The following NCKAP5 variants were observed in gnomAD, a reference collection of about 807,000 sequenced individuals.
NCKAP5 encodes NCK associated protein 5, also known as nck-associated protein 5.
In NCKAP5, 92 loss-of-function variants were observed where a neutral mutation model predicts 167.0. The ratio of observed to expected loss-of-function variants is 0.55; its 90% confidence interval spans 0.47 to 0.66. The LOEUF (loss-of-function observed/expected upper bound fraction) is 0.66. Among genes scored for constraint, NCKAP5 ranks in the 30% least tolerant of loss-of-function variants. The pLI is 0.00. For missense variants in NCKAP5, 2,378 were observed against 2,315.0 expected, an observed-to-expected ratio of 1.03 and a Z score of -0.56; for synonymous variants, 891 against 877.4, an observed-to-expected ratio of 1.02 and a Z score of -0.27.
chr2:133,560,431 G>A (rs1028971554), intron 1 of NCKAP5, among the ~76,000 whole-genome samples: 6 of 152,080 alleles, frequency 3.9e-5, no homozygotes, highest in South Asian at 2.1e-4. Flanking sequence ...TTAATTATAC[G>A]GGTGATAAGT....
intron 6 of NCKAP5, among the ~76,000 whole-genome samples, chr2:133,115,806 T>TATAC: frequency 9.2e-6 from 1 of 108,354 alleles, no homozygotes; most frequent in South Asian, 2.8e-4. Context: ...TATATATATA[T>TATAC]ATATATATAT....
chr2:133,083,602 C>A (rs1010390878), intron 6 of NCKAP5, among the ~76,000 whole-genome samples: 1 of 152,134 alleles, frequency 6.6e-6, no homozygotes, highest in African/African-American at 2.4e-5. Context: ...ACGTATCTTA[C>A]CAGACAGGAA....
intron 6 of NCKAP5, among the ~76,000 whole-genome samples, chr2:132,996,052 T>G (rs2077590273): frequency 6.6e-6 from 1 of 152,110 alleles, no homozygotes; most frequent in African/African-American, 2.4e-5. Flanking sequence ...CTACGCAGGG[T>G]CAGGATCATC....
At chr2:133,295,103 G>T (rs1574627935) in intron 4 of NCKAP5, among the ~76,000 whole-genome samples, 1 of 152,104 alleles carries the variant, frequency 6.6e-6, no homozygotes, top group African/African-American at 2.4e-5. Flanking sequence ...TGGGATTGAG[G>T]TTCCTACAGG....
intron 19 of NCKAP5, among the ~76,000 whole-genome samples, chr2:132,718,423 A>G (rs930873238): frequency 1.3e-5 from 2 of 152,212 alleles, no homozygotes. Flanking sequence ...GTTCTCTGTG[A>G]CAGTAATTCC....
the NCKAP5 span, among the ~76,000 whole-genome samples, chr2:133,640,315 A>G: frequency 2.0e-5 from 3 of 152,352 alleles, no homozygotes; most frequent in Admixed American, 6.5e-5. Flanking sequence ...GCACAAGTCA[A>G]TCTTGTTAAA....
rs954143751 is a variant in NCKAP5 at position 133,159,235 on chromosome 2, G to T, written c.208-29124C>A. Among the ~76,000 whole-genome samples, 9 of 152,254 alleles carry T rather than the reference G, an allele frequency of 5.9e-5. No homozygotes were observed. In the South Asian group the frequency reaches 1.9e-3, roughly 32 times the overall value. ...AAGGACTGAAGAGAGGCCTTTAGGA[G>T]CTGAGGTTGGTCCCCGGTTAAAACA... On this transcript the variant is annotated intron_variant, in intron 5 of 19. Coordinates refer to ENST00000409261, the MANE Select transcript of NCKAP5 (RefSeq NM_207363.3).
the NCKAP5 span, among the ~76,000 whole-genome samples, chr2:133,596,602 G>A: frequency 3.3e-5 from 5 of 152,138 alleles, no homozygotes; most frequent in African/African-American, 4.8e-5. Context: ...CCCCGAGGTC[G>A]CCAGCATGAA....
the NCKAP5 span, among the ~76,000 whole-genome samples, chr2:133,661,393 T>C: frequency 6.6e-6 from 1 of 152,196 alleles, no homozygotes; most frequent in Non-Finnish European, 1.5e-5. Context: ...GAAATGCTTT[T>C]TAAAAAATTA....
chr2:133,061,888 C>T (rs181458218), intron 6 of NCKAP5, among the ~76,000 whole-genome samples: 1 of 152,262 alleles, frequency 6.6e-6, no homozygotes, highest in East Asian at 1.9e-4. Flanking sequence ...CACCTTTCTC[C>T]ACTCCCCAAC....
At chr2:133,149,574 T>C (rs1285237307) in intron 5 of NCKAP5, among the ~76,000 whole-genome samples, 1 of 152,000 alleles carries the variant, frequency 6.6e-6, no homozygotes, top group Non-Finnish European at 1.5e-5. Context: ...AACTCTTAAC[T>C]ACAACGATGC....
intron 3 of NCKAP5, among the ~76,000 whole-genome samples, chr2:133,508,639 G>A (rs751385579): frequency 8.5e-5 from 13 of 152,182 alleles, no homozygotes; most frequent in Non-Finnish European, 1.5e-4. Context: ...TAAGGGGATC[G>A]ATGAAAGCTC....
chr2:132,948,617 G>A (rs1439116958), intron 8 of NCKAP5, among the ~76,000 whole-genome samples: 3 of 152,142 alleles, frequency 2.0e-5, no homozygotes, highest in East Asian at 1.9e-4. Flanking sequence ...CCCCAAAGGA[G>A]AGGCTGTATG....
At chr2:132,752,829 C>T (rs1208469020) in intron 16 of NCKAP5, among the ~76,000 whole-genome samples, 1 of 152,108 alleles carries the variant, frequency 6.6e-6, no homozygotes, top group Admixed American at 6.5e-5. Flanking sequence ...TATTCTAGTG[C>T]AAAGGCCCAG....
chr2:133,511,458 G>A (rs1055255763), intron 3 of NCKAP5, among the ~76,000 whole-genome samples: 34 of 152,180 alleles, frequency 2.2e-4, no homozygotes, highest in African/African-American at 7.7e-4. Context: ...CTCGGCTGGT[G>A]GACAGATTCA....
chr2:133,444,350 A>C (rs1691047165), intron 3 of NCKAP5, among the ~76,000 whole-genome samples: 2 of 143,930 alleles, frequency 1.4e-5, no homozygotes, highest in Admixed American at 1.4e-4. Flanking sequence ...AAAGACAAAA[A>C]CAAAGATAGA....
chr2:133,209,740 T>C (rs747184036), intron 5 of NCKAP5, among the ~76,000 whole-genome samples: 2 of 152,156 alleles, frequency 1.3e-5, no homozygotes, highest in Non-Finnish European at 2.9e-5. Context: ...CCAATGTTAA[T>C]CTCTTAGTTT....
intron 19 of NCKAP5, among the ~76,000 whole-genome samples, chr2:132,709,932 T>C (rs1169008453): frequency 6.6e-6 from 1 of 152,114 alleles, no homozygotes; most frequent in Non-Finnish European, 1.5e-5. Flanking sequence ...AAATGGTTAA[T>C]AAAAAATAAA....
At chr2:133,637,778 T>C in the NCKAP5 span, among the ~76,000 whole-genome samples, 1 of 152,070 alleles carries the variant, frequency 6.6e-6, no homozygotes, top group East Asian at 1.9e-4. Flanking sequence ...TTAACATACA[T>C]GCGATTAGAG....
Sources: allele counts gnomAD v4.1 joint callset (sites outside exome capture counted in the v4.1 genomes callset), GRCh38; gene constraint gnomAD v4.1.1; transcripts MANE v1.5; gene names NCBI Gene and HGNC (gene_info 2026-07-23, HGNC 2026-07-21).